Variants in CTNNA1 observed in about 807,000 individuals in gnomAD.
CTNNA1 encodes catenin alpha-1.
In CTNNA1, 37 loss-of-function variants were observed where a neutral mutation model predicts 98.4. The observed-to-expected ratio is 0.38, with a 90% CI of 0.29 to 0.49. The LOEUF is 0.49. Among genes scored for constraint, CTNNA1 ranks in the 20% least tolerant of loss-of-function variants. The pLI is 0.95. For synonymous variants in CTNNA1, 404 were observed against 413.2 expected, an observed-to-expected ratio of 0.98 and a Z score of 0.27; for missense variants, 761 against 1,147.2, an observed-to-expected ratio of 0.66 and a Z score of 4.86.
chr5:138,904,738 G>T (rs921319052), intron 10 of CTNNA1: 4 of 262,244 alleles, frequency 1.5e-5, no homozygotes, highest in South Asian at 2.3e-4. Context: ...GGATGGGTCA[G>T]TTGAGCCCAG....
chr5:138,922,511 G>A (rs1356898706), intron 11 of CTNNA1, among the ~76,000 whole-genome samples: 3 of 152,176 alleles, frequency 2.0e-5, no homozygotes, highest in Non-Finnish European at 4.4e-5. Context: ...ACTGTTATAT[G>A]TATGTGTATG....
chr5:138,760,371 C>CCT (rs1554074397), intron 1 of CTNNA1, among the ~76,000 whole-genome samples: 1 of 146,980 alleles, frequency 6.8e-6, no homozygotes, highest in Non-Finnish European at 1.5e-5. Context: ...TCCATTCATA[C>CCT]TTTTTTTTTT....
intron 1 of CTNNA1, among the ~76,000 whole-genome samples, chr5:138,769,940 G>C (rs755484930): frequency 7.2e-5 from 11 of 151,940 alleles, no homozygotes; most frequent in Non-Finnish European, 1.5e-4. Flanking sequence ...TCTGCTTCTT[G>C]GGTTCAAGCG....
chr5:138,875,817 A>T, intron 7 of CTNNA1: 2 of 767,504 alleles, frequency 2.6e-6, no homozygotes, highest in Non-Finnish European at 3.2e-6. Flanking sequence ...AAGTATGACT[A>T]TGATTTGCTT....
At chr5:138,841,907 T>A (rs990449527) in intron 7 of CTNNA1, among the ~76,000 whole-genome samples, 1 of 152,206 alleles carries the variant, frequency 6.6e-6, no homozygotes, top group African/African-American at 2.4e-5. Flanking sequence ...AATTTAACAC[T>A]GGAACATATT....
intron 7 of CTNNA1, among the ~76,000 whole-genome samples, chr5:138,844,153 A>G (rs1762505985): frequency 6.6e-6 from 1 of 152,168 alleles, no homozygotes; most frequent in African/African-American, 2.4e-5. Context: ...AAATTTAAAA[A>G]TTTTTAAAAT....
intron 9 of CTNNA1, among the ~76,000 whole-genome samples, chr5:138,903,072 G>A (rs755039046): frequency 7.9e-5 from 12 of 152,082 alleles, no homozygotes; most frequent in Non-Finnish European, 1.3e-4. Flanking sequence ...GAGTATAAGT[G>A]TTGCTTCTTT....
intron 1 of CTNNA1, among the ~76,000 whole-genome samples, chr5:138,770,950 CAA>C (rs10712613): frequency 4.4e-4 from 57 of 128,226 alleles, no homozygotes; most frequent in East Asian, 8.8e-4. Context: ...GACTCCGTCT[CAA>C]AAAAAAAAAA....
chr5:138,918,678 T>C (rs1762295299), intron 11 of CTNNA1, among the ~76,000 whole-genome samples: 1 of 152,216 alleles, frequency 6.6e-6, no homozygotes, highest in Admixed American at 6.5e-5. Flanking sequence ...TAAATTTCAA[T>C]CCCATCTTCT....
intron 1 of CTNNA1, among the ~76,000 whole-genome samples, chr5:138,774,661 G>T (rs575631137): frequency 6.6e-6 from 1 of 151,400 alleles, no homozygotes; most frequent in Non-Finnish European, 1.5e-5. Context: ...TCGCTCTGTC[G>T]CCCAGGCTGG....
chr5:138,859,869 C>T (rs1764099044), intron 7 of CTNNA1, among the ~76,000 whole-genome samples: 1 of 152,178 alleles, frequency 6.6e-6, no homozygotes, highest in Non-Finnish European at 1.5e-5. Context: ...AACTGCAACT[C>T]TGCATTCCAG....
intron 7 of CTNNA1, among the ~76,000 whole-genome samples, chr5:138,830,018 T>G (rs1444615417): frequency 6.6e-6 from 1 of 151,948 alleles, no homozygotes; most frequent in Non-Finnish European, 1.5e-5. Context: ...TACAAAAAAA[T>G]TAGCCGGACA....
At chr5:138,859,273 C>CT (rs1416030192) in intron 7 of CTNNA1, among the ~76,000 whole-genome samples, 9 of 151,984 alleles carry the variant, frequency 5.9e-5, no homozygotes, top group African/African-American at 2.2e-4. Flanking sequence ...GAAACCTATC[C>CT]TTTTTTTTCC....
At chr5:138,755,227 C>G (rs1751496731) in intron 1 of CTNNA1, 1 of 152,132 alleles carries the variant, frequency 6.6e-6, no homozygotes, top group Non-Finnish European at 1.5e-5. Context: ...ATAGTAACAA[C>G]AAAAGAAACT....
intron 7 of CTNNA1, among the ~76,000 whole-genome samples, chr5:138,877,683 A>G (rs1003549743): frequency 6.6e-6 from 1 of 151,884 alleles, no homozygotes; most frequent in African/African-American, 2.4e-5. Flanking sequence ...ACCTGACCTC[A>G]TGATCCACCC....
At chr5:138,897,134 A>G (rs998245011) in intron 9 of CTNNA1, among the ~76,000 whole-genome samples, 1 of 152,040 alleles carries the variant, frequency 6.6e-6, no homozygotes, top group African/African-American at 2.4e-5. Context: ...TCAGTCCAAA[A>G]TCCTTTCCCC....
chr5:138,903,093 G>A (rs1257067060), intron 9 of CTNNA1, among the ~76,000 whole-genome samples: 1 of 152,040 alleles, frequency 6.6e-6, no homozygotes, highest in African/African-American at 2.4e-5. Context: ...ATGTGACTTT[G>A]AAGGACTCAT....
Position 138,782,084 on chromosome 5 carries a change from G to A in CTNNA1, c.105+55G>A, listed in dbSNP as rs921881678. The A allele has an allele frequency of 5.2e-6, 8 of 1,531,894 alleles. No homozygotes were observed. The African/African-American group carries it at 1.1e-4, about 21-fold the overall frequency. The allele number at this position is 1,531,894 out of a possible 1,614,324, so 94.9% of individuals were successfully genotyped here. On this transcript the variant is annotated intron_variant, in intron 2 of 17. Transcript: ENST00000302763. Reference sequence around the variant, plus strand: ...AACATGGTTCTATAGCACAGGCCTGGGTAACAACCATAAGAGCAAGGTTAT... The same window carrying A: ...AACATGGTTCTATAGCACAGGCCTGAGTAACAACCATAAGAGCAAGGTTAT...
At chr5:138,822,634 C>T (rs1760154190) in intron 5 of CTNNA1, among the ~76,000 whole-genome samples, 4 of 152,254 alleles carry the variant, frequency 2.6e-5, no homozygotes, top group Admixed American at 2.0e-4. Context: ...TTAGTCATAG[C>T]CCCTTGTTGC....
Sources: allele counts gnomAD v4.1 joint callset (sites outside exome capture counted in the v4.1 genomes callset), GRCh38; gene constraint gnomAD v4.1.1; transcripts MANE v1.5; gene names NCBI Gene and HGNC (gene_info 2026-07-23, HGNC 2026-07-21).